Variants in RGS6 observed in about 807,000 individuals in gnomAD.
RGS6 encodes the protein regulator of G protein signaling 6, also known as regulator of G-protein signaling 6.
Under a neutral mutation model 78.5 loss-of-function variants are expected in RGS6, and 30 were observed. That is an observed-to-expected ratio of 0.38 (90% CI 0.29 to 0.52). RGS6 has a LOEUF of 0.52. Among genes scored for constraint, RGS6 ranks in the 20% least tolerant of loss-of-function variants. The probability of loss-of-function intolerance (pLI) is 0.85; values close to 1 mark genes in which losing one functional copy is unlikely to be tolerated. For missense variants in RGS6, 495 were observed against 609.7 expected, an observed-to-expected ratio of 0.81 and a Z score of 1.98; for synonymous variants, 206 against 206.0, an observed-to-expected ratio of 1.00 and a Z score of 0.00.
chr14:72,486,706 T>G (rs2096493724), intron 12 of RGS6, among the ~76,000 whole-genome samples: 1 of 152,190 alleles, frequency 6.6e-6, no homozygotes, highest in Non-Finnish European at 1.5e-5. Context: ...CTCTCTGCAT[T>G]AAGCTTAGAT....
intron 3 of RGS6, among the ~76,000 whole-genome samples, chr14:72,426,022 T>C (rs2094421050): frequency 6.6e-6 from 1 of 152,168 alleles, no homozygotes; most frequent in Non-Finnish European, 1.5e-5. Flanking sequence ...TCTAAAGTTT[T>C]TGTTAAAATA....
intron 1 of RGS6, among the ~76,000 whole-genome samples, chr14:71,958,158 A>G (rs186594403): frequency 1.1e-3 from 169 of 152,294 alleles, no homozygotes; most frequent in African/African-American, 3.8e-3. Context: ...ACTGAAAACT[A>G]GCAAGTAGAA....
Position 72,459,702 on chromosome 14 carries a change from G to A in RGS6, c.394+19G>A, listed in dbSNP as rs761788488. ...GACTATGGTGAGAACTGAAGCCACT[G>A]GGAACTCTCAACTTCAACACTGTGT... On this transcript the variant is annotated intron_variant, in intron 6 of 17. Coordinates refer to ENST00000553525, the MANE Select transcript of RGS6 (RefSeq NM_001204424.2). 17 of 1,613,614 alleles carry A rather than the reference G, an allele frequency of 1.1e-5. No individual in the cohort carries two copies. The highest frequency in any genetic ancestry group is 2.2e-5 in the East Asian group (1 of 44,870).
At chr14:72,609,630 C>A in the RGS6 span, among the ~76,000 whole-genome samples, 1 of 152,150 alleles carries the variant, frequency 6.6e-6, no homozygotes, top group Non-Finnish European at 1.5e-5. Flanking sequence ...AGGGCACATC[C>A]CCAGAGGACA....
intron 2 of RGS6, among the ~76,000 whole-genome samples, chr14:72,039,283 C>T (rs985279889): frequency 6.6e-6 from 1 of 152,064 alleles, no homozygotes; most frequent in Non-Finnish European, 1.5e-5. Context: ...GTCCTGTACC[C>T]GCAAAGATAA....
At chr14:72,622,815 A>G in the RGS6 span, among the ~76,000 whole-genome samples, 3 of 152,158 alleles carry the variant, frequency 2.0e-5, no homozygotes, top group African/African-American at 7.2e-5. Flanking sequence ...TAAATCCCTG[A>G]CCATGTGAGA....
intron 2 of RGS6, among the ~76,000 whole-genome samples, chr14:72,112,837 T>C (rs185025321): frequency 2.0e-5 from 3 of 152,322 alleles, no homozygotes; most frequent in Non-Finnish European, 2.9e-5. Context: ...TATGGGTGCC[T>C]TGCTTTATCT....
intron 2 of RGS6, among the ~76,000 whole-genome samples, chr14:72,307,878 T>C (rs1338158511): frequency 6.6e-6 from 1 of 152,184 alleles, no homozygotes; most frequent in East Asian, 1.9e-4. Flanking sequence ...TCTTTAAAGG[T>C]CTTCATGCCC....
In RGS6 at chr14:72,432,398, C is replaced by T. The variant is rs534356593; in HGVS notation, c.185-22130C>T. On this transcript the variant is annotated intron_variant, in intron 3 of 17. Coordinates refer to ENST00000553525, the MANE Select transcript of RGS6 (RefSeq NM_001204424.2). Reference sequence around the variant, plus strand: ...AAGGAGGGAGGGAGACAGCCTCTGCCTTGGTGTCTCACCTTCCAGGAGTAA... The same window carrying T: ...AAGGAGGGAGGGAGACAGCCTCTGCTTTGGTGTCTCACCTTCCAGGAGTAA... Among the ~76,000 whole-genome samples the T allele has an allele frequency of 2.6e-5, 4 of 152,334 alleles. 1 individual carries two copies. The South Asian group carries it at 8.3e-4, about 32-fold the overall frequency.
At chr14:71,884,267 T>C in the RGS6 span, among the ~76,000 whole-genome samples, 1 of 152,202 alleles carries the variant, frequency 6.6e-6, no homozygotes, top group African/African-American at 2.4e-5. Flanking sequence ...TGATAGAATG[T>C]GGGCAAAGGA....
intron 2 of RGS6, among the ~76,000 whole-genome samples, chr14:72,241,407 G>C (rs2052790757): frequency 6.6e-6 from 1 of 152,104 alleles, no homozygotes; most frequent in Non-Finnish European, 1.5e-5. Flanking sequence ...GGGTTCATAG[G>C]TAATTATGAT....
intron 2 of RGS6, among the ~76,000 whole-genome samples, chr14:72,219,208 G>A (rs1220190869): frequency 1.3e-5 from 2 of 152,068 alleles, no homozygotes; most frequent in African/African-American, 4.8e-5. Context: ...CTGGGAACAT[G>A]CATGCTGGGT....
At chr14:72,163,704 G>A (rs1030034762) in intron 2 of RGS6, among the ~76,000 whole-genome samples, 1 of 152,102 alleles carries the variant, frequency 6.6e-6, no homozygotes, top group Non-Finnish European at 1.5e-5. Flanking sequence ...CCAACGTGGT[G>A]AAACCCCATC....
chr14:72,599,415 T>TTG, the RGS6 span, among the ~76,000 whole-genome samples: 1 of 125,794 alleles, frequency 7.9e-6, no homozygotes, highest in South Asian at 2.9e-4. Context: ...TTTTTTTTTT[T>TTG]TTTTTTTTTT....
chr14:72,091,810 C>T (rs1188845634), intron 2 of RGS6, among the ~76,000 whole-genome samples: 1 of 152,114 alleles, frequency 6.6e-6, no homozygotes, highest in Admixed American at 6.5e-5. Context: ...TAACTGCTCT[C>T]CAGCTCTTAA....
At chr14:72,475,199 GTTTTTT>G (rs11300478) in intron 10 of RGS6, among the ~76,000 whole-genome samples, 4 of 122,010 alleles carry the variant, frequency 3.3e-5, no homozygotes, top group Non-Finnish European at 6.8e-5. Context: ...CTTTTTTATG[GTTTTTT>G]TTTTTTTTTT....
chr14:72,508,401 T>G (rs1017474833), intron 13 of RGS6, among the ~76,000 whole-genome samples: 2 of 152,094 alleles, frequency 1.3e-5, no homozygotes, highest in African/African-American at 4.8e-5. Context: ...AGTTCATCAG[T>G]CACACTAGCC....
At chr14:72,391,309 G>A (rs1421875669) in intron 3 of RGS6, among the ~76,000 whole-genome samples, 1 of 152,084 alleles carries the variant, frequency 6.6e-6, no homozygotes, top group African/African-American at 2.4e-5. Context: ...TAAGAATTTC[G>A]GCTGTCACGA....
intron 2 of RGS6, among the ~76,000 whole-genome samples, chr14:72,067,166 G>A (rs918727372): frequency 2.6e-5 from 4 of 152,072 alleles, no homozygotes; most frequent in Admixed American, 6.6e-5. Flanking sequence ...TAATCCTTGG[G>A]GTACATAGCC....
Sources: allele counts gnomAD v4.1 joint callset (sites outside exome capture counted in the v4.1 genomes callset), GRCh38; gene constraint gnomAD v4.1.1; transcripts MANE v1.5; gene names NCBI Gene and HGNC (gene_info 2026-07-23, HGNC 2026-07-21).